Variants in SGCD observed in about 807,000 individuals in gnomAD.
SGCD encodes the protein sarcoglycan delta.
A neutral mutation model predicts 36.6 loss-of-function variants in SGCD; 18 were observed. The observed-to-expected ratio is 0.49, with a 90% CI of 0.34 to 0.73. The LOEUF (loss-of-function observed/expected upper bound fraction) is 0.73, where lower values mean the gene tolerates loss of function less well. Among genes scored for constraint, SGCD ranks in the 30% least tolerant of loss-of-function variants. SGCD has a pLI of 0.01. For synonymous variants in SGCD, 133 were observed against 130.6 expected (o/e 1.02, Z -0.12); for missense variants, 387 against 346.7 (o/e 1.12, Z -0.92).
upstream of SGCD, among the ~76,000 whole-genome samples, chr5:155,867,719 A>G (rs1472900116): frequency 6.6e-6 from 1 of 152,226 alleles, no homozygotes; most frequent in Non-Finnish European, 1.5e-5. Flanking sequence ...TTACAGAGCC[A>G]TAGTAATAAG....
At chr5:156,643,584 T>A (rs1230219082) in intron 6 of SGCD, among the ~76,000 whole-genome samples, 1 of 152,010 alleles carries the variant, frequency 6.6e-6, no homozygotes, top group Non-Finnish European at 1.5e-5. Context: ...TCCACCCAAA[T>A]GGAGAAATAA....
Position 156,068,885 on chromosome 5 carries a change from AT to A in SGCD, c.-281-48987del, listed in dbSNP as rs1395399354. Among the ~76,000 whole-genome samples the A allele has an allele frequency of 3.3e-5, 5 of 151,904 alleles. No homozygotes were observed. The South Asian group carries it at 1.0e-3, about 32-fold the overall frequency. On this transcript the variant is annotated intron_variant, in intron 1 of 9. Coordinates refer to the SGCD transcript ENST00000517913. ...TCTCTGATAGCCAGTGATGGTGAGCATTTTTTCATGTGTTTTTTGGCTGCGT... is the reference window on the plus strand; with the variant it reads ...TCTCTGATAGCCAGTGATGGTGAGCATTTTTCATGTGTTTTTTGGCTGCGT...
chr5:155,945,996 G>A (rs762485652), intron 1 of SGCD, among the ~76,000 whole-genome samples: 4 of 152,308 alleles, frequency 2.6e-5, no homozygotes, highest in Non-Finnish European at 5.9e-5. Context: ...AGAGATATAC[G>A]AGGTAAAATG....
At chr5:156,288,222 G>GT (rs1266731320) in intron 3 of SGCD, among the ~76,000 whole-genome samples, 1 of 152,086 alleles carries the variant, frequency 6.6e-6, no homozygotes, top group Non-Finnish European at 1.5e-5. Context: ...CTTTCTCTGT[G>GT]TTTTTTGAGT....
the SGCD span, among the ~76,000 whole-genome samples, chr5:155,754,696 G>A: frequency 3.9e-5 from 6 of 152,218 alleles, no homozygotes; most frequent in Non-Finnish European, 7.3e-5. Context: ...TCATTGAAGA[G>A]TGAATTTTAT....
At chr5:156,715,954 T>G (rs759946731) in intron 7 of SGCD, among the ~76,000 whole-genome samples, 2 of 152,210 alleles carry the variant, frequency 1.3e-5, no homozygotes, top group African/African-American at 2.4e-5. Context: ...CAAAGATGTT[T>G]AAACAAATTC....
intron 1 of SGCD, among the ~76,000 whole-genome samples, chr5:155,949,210 T>G (rs1426233150): frequency 6.6e-6 from 1 of 152,216 alleles, no homozygotes. Flanking sequence ...AATGTGTTCT[T>G]CCAACAGATG....
chr5:156,255,014 C>T (rs1216910799), intron 3 of SGCD, among the ~76,000 whole-genome samples: 12 of 152,114 alleles, frequency 7.9e-5, no homozygotes, highest in Admixed American at 7.9e-4. Context: ...GGTGTAAGTA[C>T]TTAATACAAA....
the SGCD span, among the ~76,000 whole-genome samples, chr5:155,818,091 A>G: frequency 2.0e-5 from 3 of 152,354 alleles, no homozygotes; most frequent in East Asian, 5.8e-4. Context: ...AAAGTGAGCC[A>G]GGTTATGATT....
chr5:155,956,259 C>T lies in SGCD; in HGVS notation c.-282+85835C>T, dbSNP rs924615946. On this transcript the variant is annotated intron_variant, in intron 1 of 9. Transcript: ENST00000517913. ...TCTGGTAAATCACAGATATTACTAG[C>T]TTGCAAGAGGTGATTTTATTGACCT... Among the ~76,000 whole-genome samples, 7 of 151,950 alleles carry T rather than the reference C, an allele frequency of 4.6e-5. No individual in the cohort carries two copies. In the South Asian group the frequency reaches 8.3e-4, roughly 18 times the overall value.
intron 3 of SGCD, among the ~76,000 whole-genome samples, chr5:156,385,029 G>C (rs1036955171): frequency 4.6e-5 from 7 of 152,150 alleles, no homozygotes; most frequent in African/African-American, 1.7e-4. Context: ...GGGTGGTGCA[G>C]GAATCCAGCC....
rs150807377 is a variant in SGCD at position 156,286,623 on chromosome 5, A to G, written c.-43-42911A>G. On this transcript the variant is annotated intron_variant, in intron 3 of 9. Transcript: ENST00000517913. ...CTCACTCATAGGTGGGAATTGAACAATGAGAACACATGGACACAGGAAGGG... is the reference window on the plus strand; with the variant it reads ...CTCACTCATAGGTGGGAATTGAACAGTGAGAACACATGGACACAGGAAGGG... Among the ~76,000 whole-genome samples, 330 of 152,270 alleles carry G rather than the reference A, an allele frequency of 2.2e-3. 11 individuals are homozygous for G. In the East Asian group the frequency reaches 0.054, roughly 25 times the overall value.
At chr5:156,497,447 T>C (rs921610024) in intron 3 of SGCD, among the ~76,000 whole-genome samples, 2 of 152,130 alleles carry the variant, frequency 1.3e-5, no homozygotes, top group Admixed American at 1.3e-4. Flanking sequence ...TTGGAAACCA[T>C]GAAATATGGA....
At chr5:156,209,201 A>T (rs1387373664) in intron 3 of SGCD, among the ~76,000 whole-genome samples, 1 of 152,200 alleles carries the variant, frequency 6.6e-6, no homozygotes, top group Non-Finnish European at 1.5e-5. Flanking sequence ...TTTAGTCTGC[A>T]CAGAGGACTT....
intron 3 of SGCD, among the ~76,000 whole-genome samples, chr5:156,413,171 A>G (rs1218539258): frequency 1.3e-5 from 2 of 152,222 alleles, no homozygotes; most frequent in African/African-American, 4.8e-5. Context: ...ATGAAATAAA[A>G]TAATTGCACA....
intron 7 of SGCD, among the ~76,000 whole-genome samples, chr5:156,738,025 G>A (rs1410803600): frequency 1.3e-5 from 2 of 152,116 alleles, no homozygotes; most frequent in East Asian, 1.9e-4. Flanking sequence ...ATTTGTGAAT[G>A]TATTACTTTT....
At chr5:155,796,915 A>G in the SGCD span, among the ~76,000 whole-genome samples, 4 of 151,972 alleles carry the variant, frequency 2.6e-5, no homozygotes, top group Non-Finnish European at 4.4e-5. Flanking sequence ...TGATGAAAAT[A>G]CGAGGTAAAA....
At chr5:156,541,430 C>G (rs886155374) in intron 4 of SGCD, among the ~76,000 whole-genome samples, 2 of 151,984 alleles carry the variant, frequency 1.3e-5, no homozygotes, top group African/African-American at 4.8e-5. Flanking sequence ...AATGGTAATT[C>G]CCAATGGGAT....
intron 1 of SGCD, among the ~76,000 whole-genome samples, chr5:156,113,237 CA>C (rs1254624950): frequency 6.6e-6 from 1 of 152,118 alleles, no homozygotes; most frequent in Non-Finnish European, 1.5e-5. Flanking sequence ...ACTTATTTTT[CA>C]AACAATATAG....
Sources: allele counts gnomAD v4.1 joint callset (sites outside exome capture counted in the v4.1 genomes callset), GRCh38; gene constraint gnomAD v4.1.1; transcripts MANE v1.5; gene names NCBI Gene and HGNC (gene_info 2026-07-23, HGNC 2026-07-21).